The following CAMTA1 variants were observed in gnomAD, a reference collection of about 807,000 sequenced individuals.
CAMTA1 encodes calmodulin-binding transcription activator 1.
CAMTA1 carries 27 observed loss-of-function variants against 170.9 expected under a neutral mutation model. That is an observed-to-expected ratio of 0.16 (90% CI 0.12 to 0.22). The LOEUF (loss-of-function observed/expected upper bound fraction) is 0.22. Ranked by LOEUF, CAMTA1 falls within the 10% of genes least tolerant of loss-of-function variation. The pLI, the probability that CAMTA1 is intolerant of heterozygous loss-of-function variation, is 1.00. For synonymous variants in CAMTA1, 833 were observed against 891.5 expected (o/e 0.93, Z 1.17); for missense variants, 1,619 against 2,217.2 (o/e 0.73, Z 5.42).
chr1:6,985,458 T>C (rs766704057), intron 3 of CAMTA1, among the ~76,000 whole-genome samples: 4 of 152,246 alleles, frequency 2.6e-5, no homozygotes, highest in Admixed American at 6.5e-5. Flanking sequence ...AGAATCTAAT[T>C]TAGGTTTCAA....
rs1367254089 is a variant in CAMTA1, at chr1:7,562,935, C to A, written c.511-77465C>A. 1.3e-5 allele frequency among the ~76,000 whole-genome samples: 2 copies of A among 152,246 alleles called. No homozygotes were observed. The highest frequency in any genetic ancestry group is 1.9e-4 in the East Asian group (1 of 5,186). ...TAGCCAGAGCTTGGGGCCCACCCAC[C>A]CCAGCTGGTCCTTGAATCTGGATTT... On this transcript the variant is annotated intron_variant, in intron 6 of 22. Coordinates refer to ENST00000303635, the MANE Select transcript of CAMTA1 (RefSeq NM_015215.4). This position sits in a 1 kb window ranked among gnomAD's most constrained non-coding sequence, Gnocchi z 4.8.
chr1:7,168,965 C>A (rs1182418344), intron 4 of CAMTA1, among the ~76,000 whole-genome samples: 5 of 152,056 alleles, frequency 3.3e-5, no homozygotes, highest in African/African-American at 1.2e-4. Flanking sequence ...AGGAAGGTTT[C>A]TTCTATTTTA....
chr1:6,859,121 A>G (rs1203825845), intron 3 of CAMTA1, among the ~76,000 whole-genome samples: 1 of 152,254 alleles, frequency 6.6e-6, no homozygotes, highest in Non-Finnish European at 1.5e-5. Context: ...CTAAAATTGT[A>G]CATCCTAGGA....
At position 6,944,267 on chromosome 1, in the gene CAMTA1, G is replaced by A. The variant is rs191161208; in HGVS notation, c.234+119057G>A. On this transcript the variant is annotated intron_variant, in intron 3 of 22. Transcript: ENST00000303635. ...ATGGACCACCTTTGCCTATCCGCTC[G>A]TCTGCCCAATGACACTTGGGTTATT... 2.8e-4 allele frequency among the ~76,000 whole-genome samples: 43 copies of A among 152,232 alleles called. 1 individual carries two copies. Among genetic ancestry groups the A allele is most frequent in the Admixed American group, 2.3e-3 (35 of 15,294 alleles).
At chr1:7,169,569 A>G (rs1453508889) in intron 4 of CAMTA1, among the ~76,000 whole-genome samples, 1 of 152,076 alleles carries the variant, frequency 6.6e-6, no homozygotes, top group African/African-American at 2.4e-5. Flanking sequence ...CAGTAGTGCA[A>G]TCTCAGATCT....
chr1:7,664,240 G>A lies in CAMTA1; in HGVS notation c.1693G>A (p.Gly565Ser), dbSNP rs143700608. The change falls in exon 9 of 23, where the codon GGC becomes AGC. Residue 565 changes from glycine to serine, a missense_variant. Physicochemically the swap from Gly to Ser is moderately conservative, Grantham distance 56. Coordinates refer to ENST00000303635, the MANE Select transcript of CAMTA1 (RefSeq NM_015215.4). ...VAASSLTLTA[G>S]SSLLPSGGGL... ...AGCCAGCTCCCTCACCCTGACCGCC[G>A]GCTCCAGCCTCCTGCCGTCGGGCGG... 126 of 1,612,648 alleles carry A rather than the reference G, an allele frequency of 7.8e-5. No individual in the cohort carries two copies. Among genetic ancestry groups the A allele is most frequent in the African/African-American group, 4.5e-4 (34 of 75,062 alleles).
chr1:7,679,064 C>T (rs952828406), intron 11 of CAMTA1, among the ~76,000 whole-genome samples: 1 of 152,254 alleles, frequency 6.6e-6, no homozygotes, highest in East Asian at 1.9e-4. Context: ...CATGGGCTGC[C>T]CTGGGGCACC....
chr1:6,923,773 C>T (rs1682521628), intron 3 of CAMTA1, among the ~76,000 whole-genome samples: 1 of 152,176 alleles, frequency 6.6e-6, no homozygotes, highest in Admixed American at 6.5e-5. Flanking sequence ...TCAGGCACGC[C>T]TCTAGAAACA....
rs763547511 is a variant in CAMTA1 at position 7,655,335 on chromosome 1, CCCA to C, written c.665-6388_665-6386del. 7.4e-5 allele frequency among the ~76,000 whole-genome samples: 11 copies of C among 149,366 alleles called. No individual in the cohort carries two copies. In the East Asian group the frequency reaches 2.0e-3, roughly 27 times the overall value. On this transcript the variant is annotated intron_variant, in intron 7 of 22. Transcript: ENST00000303635. ...CGTTATACACACCTATACACACAAA[CCCA>C]CCTATACACACACCCTTAAACAAAC...
chr1:6,912,480 G>T (rs1465769564), intron 3 of CAMTA1, among the ~76,000 whole-genome samples: 1 of 152,234 alleles, frequency 6.6e-6, no homozygotes, highest in African/African-American at 2.4e-5. Flanking sequence ...CTGGATTTTA[G>T]TCTGTCTTTA....
chr1:7,147,340 C>T (rs1162061118), intron 4 of CAMTA1, among the ~76,000 whole-genome samples: 7 of 151,082 alleles, frequency 4.6e-5, no homozygotes, highest in Non-Finnish European at 7.4e-5. Flanking sequence ...AGGAGAATGG[C>T]GTGAACCCGG....
intron 4 of CAMTA1, among the ~76,000 whole-genome samples, chr1:7,111,899 A>C (rs973262155): frequency 1.1e-4 from 17 of 151,114 alleles, no homozygotes; most frequent in Middle Eastern, 3.5e-3. Flanking sequence ...AAAAAAAAAA[A>C]AAAAAAAAAA....
intron 3 of CAMTA1, among the ~76,000 whole-genome samples, chr1:7,029,264 G>A (rs924891548): frequency 2.6e-5 from 4 of 152,004 alleles, no homozygotes; most frequent in Non-Finnish European, 4.4e-5. Context: ...CACTTTGGGA[G>A]GCTGAGGCGG....
chr1:7,494,330 C>T (rs1259790559), intron 6 of CAMTA1, among the ~76,000 whole-genome samples: 1 of 152,142 alleles, frequency 6.6e-6, no homozygotes, highest in Non-Finnish European at 1.5e-5. Flanking sequence ...GCAGGAGATC[C>T]GGAGAAGAAC....
chr1:7,747,612 C>T, intron 18 of CAMTA1, 98 bp from the exon 19 acceptor site: 2 of 694,498 alleles, frequency 2.9e-6, no homozygotes, highest in Non-Finnish European at 2.4e-6. Flanking sequence ...CCTGGGATCT[C>T]AACTCTGAGA....
At chr1:6,925,049 TGAG>T (rs1280327804) in intron 3 of CAMTA1, among the ~76,000 whole-genome samples, 6 of 152,196 alleles carry the variant, frequency 3.9e-5, no homozygotes, top group Non-Finnish European at 7.4e-5. Flanking sequence ...CTTGGAGCCT[TGAG>T]GAGGGGCTGC....
At chr1:6,880,786 C>G (rs1261762335) in intron 3 of CAMTA1, among the ~76,000 whole-genome samples, 2 of 151,894 alleles carry the variant, frequency 1.3e-5, no homozygotes, top group Non-Finnish European at 2.9e-5. Context: ...GACTTAAATT[C>G]AAATATTTGT....
chr1:7,257,789 C>G (rs1667639275), intron 5 of CAMTA1, among the ~76,000 whole-genome samples: 1 of 152,094 alleles, frequency 6.6e-6, no homozygotes, highest in Admixed American at 6.5e-5. Flanking sequence ...TGCTGGGCAT[C>G]ATGTATTTTA....
At chr1:7,488,676 T>C (rs760466106) in intron 6 of CAMTA1, among the ~76,000 whole-genome samples, 9 of 152,120 alleles carry the variant, frequency 5.9e-5, no homozygotes, top group East Asian at 1.9e-4. Context: ...AACACTTGCA[T>C]ACACACACAT....
Sources: allele counts gnomAD v4.1 joint callset (sites outside exome capture counted in the v4.1 genomes callset), GRCh38; gene constraint gnomAD v4.1.1; non-coding constraint Gnocchi (gnomAD v3.1); transcripts MANE v1.5; gene names NCBI Gene and HGNC (gene_info 2026-07-23, HGNC 2026-07-21).